TFEB: variants seen among roughly 807,000 people sequenced by gnomAD.
The protein encoded by TFEB is transcription factor EB.
In TFEB, 12 loss-of-function variants were observed where a neutral mutation model predicts 48.0. The observed-to-expected ratio is 0.25, with a 90% CI of 0.16 to 0.40. TFEB has a LOEUF of 0.40. Among genes scored for constraint, TFEB ranks in the 10% least tolerant of loss-of-function variants. The pLI is 1.00. For synonymous variants in TFEB, 244 were observed against 261.4 expected, an observed-to-expected ratio of 0.93 and a Z score of 0.64; for missense variants, 509 against 640.3, an observed-to-expected ratio of 0.79 and a Z score of 2.21.
intron 1 of TFEB, among the ~76,000 whole-genome samples, chr6:41,701,015 A>T (rs1220926888): frequency 6.6e-6 from 1 of 152,254 alleles, no homozygotes; most frequent in African/African-American, 2.4e-5. Flanking sequence ...GCTAATAGGA[A>T]CATGAAAGGA....
At chr6:41,721,372 T>TACGCAC (rs149277428) in intron 1 of TFEB, among the ~76,000 whole-genome samples, 9 of 144,698 alleles carry the variant, frequency 6.2e-5, no homozygotes, top group Non-Finnish European at 1.2e-4. Flanking sequence ...TAGGCACACA[T>TACGCAC]ACACACACAC....
chr6:41,717,912 G>A (rs150570520), intron 1 of TFEB, among the ~76,000 whole-genome samples: 54 of 152,252 alleles, frequency 3.5e-4, no homozygotes, highest in Admixed American at 5.9e-4. Flanking sequence ...GGAAAATGGG[G>A]CTTTAAACAC....
At chr6:41,716,047 A>G (rs904063874) in intron 1 of TFEB, among the ~76,000 whole-genome samples, 5 of 152,222 alleles carry the variant, frequency 3.3e-5, no homozygotes, top group African/African-American at 4.8e-5. Context: ...CTTCTCAGTA[A>G]TATAGCACTA....
At chr6:41,725,492 C>A (rs1242693763) in intron 1 of TFEB, among the ~76,000 whole-genome samples, 1 of 152,202 alleles carries the variant, frequency 6.6e-6, no homozygotes, top group Admixed American at 6.5e-5. Flanking sequence ...GGTTCAGTAC[C>A]CTCTGGGAAG....
intron 1 of TFEB, among the ~76,000 whole-genome samples, chr6:41,708,240 G>A (rs189388351): frequency 8.5e-5 from 13 of 152,352 alleles, no homozygotes; most frequent in Admixed American, 3.3e-4. Flanking sequence ...TGGAACTGGC[G>A]ACTGGGGAAG....
At chr6:41,727,007 G>A (rs1440140662) in intron 1 of TFEB, among the ~76,000 whole-genome samples, 1 of 152,158 alleles carries the variant, frequency 6.6e-6, no homozygotes, top group African/African-American at 2.4e-5. Flanking sequence ...GGCCCAGGCT[G>A]CTGGCTGCCC....
intron 1 of TFEB, among the ~76,000 whole-genome samples, chr6:41,701,760 C>T (rs1769936373): frequency 6.6e-6 from 1 of 151,974 alleles, no homozygotes; most frequent in African/African-American, 2.4e-5. Context: ...GCCTGGCCAA[C>T]ATGGTGAAAC....
At chr6:41,733,707 C>T (rs1771546989) in intron 1 of TFEB, 4 of 985,604 alleles carry the variant, frequency 4.1e-6, no homozygotes, top group Non-Finnish European at 3.6e-6. Context: ...TGACCCTTCC[C>T]TTCCTCTGCC....
chr6:41,721,372 T>TACAC (rs58269771), intron 1 of TFEB, among the ~76,000 whole-genome samples: 18,418 of 144,692 alleles, frequency 0.13, 1,143 homozygotes, highest in East Asian at 0.18. Flanking sequence ...TAGGCACACA[T>TACAC]ACACACACAC....
intron 1 of TFEB, among the ~76,000 whole-genome samples, chr6:41,714,748 C>T (rs35846682): frequency 0.096 from 14,595 of 152,180 alleles, 802 homozygotes; most frequent in Admixed American, 0.16. Flanking sequence ...AGTGGCGGCC[C>T]GGCCCCAGAG....
intron 1 of TFEB, among the ~76,000 whole-genome samples, chr6:41,693,207 C>A (rs1769402714): frequency 6.6e-6 from 1 of 152,130 alleles, no homozygotes; most frequent in Non-Finnish European, 1.5e-5. Context: ...CTGGCTAATA[C>A]CAGACACTGG....
Position 41,689,468 on chromosome 6 carries a change from C to G in TFEB, c.549+263G>C, listed in dbSNP as rs11759687. ...CTTCGCCAACCTGGAAAGCTCCCCCCACAGGCCCACTCCGTGTCCCCAGCC... is the reference window on the plus strand; with the variant it reads ...CTTCGCCAACCTGGAAAGCTCCCCCGACAGGCCCACTCCGTGTCCCCAGCC... On this transcript the variant is annotated intron_variant, in intron 4 of 8. Transcript: ENST00000373033. Among the ~76,000 whole-genome samples the G allele has an allele frequency of 4.4e-3, 673 of 152,358 alleles. 7 individuals carry two copies. Among genetic ancestry groups the G allele is most frequent in the Middle Eastern group, 0.034 (10 of 294 alleles).
Position 41,723,537 on chromosome 6 carries a change from C to T in TFEB, c.-23+11813G>A. ...CAGGGGCCGGAGCCCAGGGCCGCAC[C>T]CCAGCCCCAGGGCCGGGCTCAGTTT... On this transcript the variant is annotated intron_variant, in intron 1 of 8. Coordinates refer to ENST00000373033, the MANE Select transcript of TFEB (RefSeq NM_001271944.2). This position sits in a 1 kb window ranked among gnomAD's most constrained non-coding sequence, Gnocchi z 6.0. 7.8e-7 allele frequency: 1 copy of T among 1,281,414 alleles called. No homozygotes were observed. The highest frequency in any genetic ancestry group is 1.0e-6 in the Non-Finnish European group (1 of 985,442). 79.4% of individuals were successfully genotyped at this position (1,281,414 alleles called of 1,614,324 possible).
At chr6:41,687,017 T>G in intron 7 of TFEB, 77 bp downstream of exon 7, 2 of 1,255,204 alleles carry the variant, frequency 1.6e-6, no homozygotes, top group East Asian at 4.6e-5. Flanking sequence ...GTAACTAGCA[T>G]GGGGCTGAGG....
rs73733003 is a variant in TFEB at position 41,720,493 on chromosome 6, G to A, written c.-23+14857C>T. ...AGAGCTCTTCATACTTCCTGCAGCC[G>A]GTTCATCCACAATAGGTCACAAGAT... On this transcript the variant is annotated intron_variant, in intron 1 of 8. Coordinates refer to ENST00000373033, the MANE Select transcript of TFEB (RefSeq NM_001271944.2). The surrounding 1 kb of genome is among the most constrained non-coding windows in gnomAD (Gnocchi z 4.1). 6,655 of 152,390 alleles carry A rather than the reference G, an allele frequency of 0.044. 472 individuals carry two copies. The highest frequency in any genetic ancestry group is 0.15 in the African/African-American group (6,173 of 41,516). 9.4% of individuals were successfully genotyped at this position (152,390 alleles called of 1,614,324 possible).
chr6:41,696,433 C>G (rs1385796776), intron 1 of TFEB, among the ~76,000 whole-genome samples: 2 of 152,180 alleles, frequency 1.3e-5, no homozygotes, highest in African/African-American at 4.8e-5. Flanking sequence ...TGGTTCACAC[C>G]TGTAATCCCA....
Position 41,734,402 on chromosome 6 carries a change from C to T in TFEB, c.-23+948G>A, listed in dbSNP as rs2127282555. The T allele has an allele frequency of 1.0e-6, 1 of 984,716 alleles. No individual in the cohort carries two copies. The allele number at this position is 984,716 out of a possible 1,614,324, so 61.0% of individuals were successfully genotyped here. On this transcript the variant is annotated intron_variant, in intron 1 of 8. Coordinates refer to ENST00000373033, the MANE Select transcript of TFEB (RefSeq NM_001271944.2). The surrounding 1 kb of genome is among the most constrained non-coding windows in gnomAD (Gnocchi z 4.0). ...AGCTCGGGGCAGCCGTGCGTGAAGCCGGAACCCCGCGCGGGGAGGGGGCCG... is the reference window on the plus strand; with the variant it reads ...AGCTCGGGGCAGCCGTGCGTGAAGCTGGAACCCCGCGCGGGGAGGGGGCCG...
At chr6:41,712,540 C>G (rs987099829) in intron 1 of TFEB, among the ~76,000 whole-genome samples, 8 of 152,172 alleles carry the variant, frequency 5.3e-5, no homozygotes, top group Admixed American at 5.2e-4. Context: ...GCTCTTGTCT[C>G]TCATAGTTGA....
rs1232816858 is a variant in TFEB, at chr6:41,723,581, T to C, written c.-23+11769A>G. On this transcript the variant is annotated intron_variant, in intron 1 of 8. Transcript: ENST00000373033. This position sits in a 1 kb window ranked among gnomAD's most constrained non-coding sequence, Gnocchi z 6.0. ...TCAGTTTCCTCATTTCCCCGGCGGC[T>C]GCTGTTTCTCACCCAGCCCCCTGCA... The C allele has an allele frequency of 1.6e-6, 2 of 1,245,458 alleles. No homozygotes were observed. The highest frequency in any genetic ancestry group is 2.8e-5 in the Admixed American group (1 of 36,334). 77.2% of individuals were successfully genotyped at this position (1,245,458 alleles called of 1,614,324 possible). A position where few individuals can be genotyped will look rare whatever the true frequency, so the allele number is the denominator to read the frequency against.
Sources: gnomAD v4.1 joint callset for allele counts (sites outside exome capture counted in the v4.1 genomes callset) on GRCh38, gnomAD v4.1.1 for gene constraint, Gnocchi (gnomAD v3.1) non-coding constraint, MANE v1.5 for transcripts, NCBI Gene and HGNC (gene_info 2026-07-23, HGNC 2026-07-21) for gene names.